The following PSMB2 variants were observed in gnomAD, a reference collection of about 807,000 sequenced individuals.
PSMB2 encodes the protein proteasome subunit beta type-2.
In PSMB2, 13 loss-of-function variants were observed where a neutral mutation model predicts 25.7. That is an observed-to-expected ratio of 0.51 (90% CI 0.33 to 0.80). The LOEUF is 0.80. Ranked by LOEUF, PSMB2 falls within the 30% of genes least tolerant of loss-of-function variation. The pLI, the probability that PSMB2 is intolerant of heterozygous loss-of-function variation, is 0.02. For synonymous variants in PSMB2, 87 were observed against 96.2 expected, an observed-to-expected ratio of 0.90 and a Z score of 0.56; for missense variants, 202 against 259.0, an observed-to-expected ratio of 0.78 and a Z score of 1.51.
chr1:35,619,590 T>C (rs1020371752), intron 3 of PSMB2, among the ~76,000 whole-genome samples: 8 of 152,168 alleles, frequency 5.3e-5, no homozygotes, highest in African/African-American at 1.9e-4. Context: ...ATGTGAATTT[T>C]ACAACCAAAA....
At chr1:35,628,539 T>G (rs1571137726) in intron 3 of PSMB2, among the ~76,000 whole-genome samples, 3 of 113,910 alleles carry the variant, frequency 2.6e-5, no homozygotes, top group Admixed American at 1.0e-4. Flanking sequence ...CAAGGAGGAG[T>G]GAAGAAAAGA....
chr1:35,605,318 C>G (rs1182659091), intron 4 of PSMB2, 36 bp from the exon 5 acceptor site: 4 of 1,592,176 alleles, frequency 2.5e-6, no homozygotes, highest in Non-Finnish European at 3.4e-6. Context: ...ACTTCCGGTG[C>G]TGTCATTATA....
intron 3 of PSMB2, among the ~76,000 whole-genome samples, chr1:35,620,721 G>A (rs1410779481): frequency 6.7e-6 from 1 of 150,316 alleles, no homozygotes; most frequent in Non-Finnish European, 1.5e-5. Context: ...AGGCAAGACT[G>A]TCTCAAAAAA....
intron 3 of PSMB2, among the ~76,000 whole-genome samples, chr1:35,615,169 C>T (rs186688808): frequency 2.0e-5 from 3 of 152,282 alleles, no homozygotes; most frequent in Admixed American, 2.0e-4. Flanking sequence ...AAGAAGTGGG[C>T]TACAGAGAGC....
chr1:35,638,681 C>G (rs1223828967), intron 1 of PSMB2, among the ~76,000 whole-genome samples: 7 of 151,954 alleles, frequency 4.6e-5, no homozygotes, highest in African/African-American at 2.4e-5. Flanking sequence ...TGGAGTACTC[C>G]GAGTAACTTA....
chr1:35,636,630 T>C (rs1460511131), intron 1 of PSMB2, among the ~76,000 whole-genome samples, 198 bp from the exon 2 acceptor site: 1 of 151,960 alleles, frequency 6.6e-6, no homozygotes, highest in Non-Finnish European at 1.5e-5. Context: ...ATCCTGAACA[T>C]GTACTGACTT....
intron 3 of PSMB2, among the ~76,000 whole-genome samples, chr1:35,609,655 G>A (rs1437280508): frequency 6.6e-6 from 1 of 152,198 alleles, no homozygotes; most frequent in Non-Finnish European, 1.5e-5. Flanking sequence ...TGAAAAAGCT[G>A]CCATCTTCTT....
intron 1 of PSMB2, among the ~76,000 whole-genome samples, chr1:35,637,952 T>A (rs949850519): frequency 6.6e-6 from 1 of 152,226 alleles, no homozygotes; most frequent in African/African-American, 2.4e-5. Context: ...TTCCTTCTTT[T>A]GCTTGTTGGT....
chr1:35,618,351 A>C (rs1341021449), intron 3 of PSMB2, among the ~76,000 whole-genome samples: 2 of 152,172 alleles, frequency 1.3e-5, no homozygotes, highest in Admixed American at 6.6e-5. Flanking sequence ...TGGGAAGAGA[A>C]AATAGTGTAT....
At chr1:35,615,870 A>G (rs986768412) in intron 3 of PSMB2, among the ~76,000 whole-genome samples, 1 of 152,214 alleles carries the variant, frequency 6.6e-6, no homozygotes, top group Admixed American at 6.5e-5. Flanking sequence ...AGAACCACCA[A>G]TGAGACAAAT....
Position 35,625,300 on chromosome 1 carries a change from C to T in PSMB2, c.285+5974G>A, listed in dbSNP as rs138355838. ...TGGCCAGTGTGGCAGTGAAACCCGA[C>T]GATTACACATCATGGAGGCCAGCAT... On this transcript the variant is annotated intron_variant, in intron 3 of 5. Transcript: ENST00000373237. Among the ~76,000 whole-genome samples the T allele has an allele frequency of 3.2e-3, 490 of 152,258 alleles. 3 individuals are homozygous for T. The highest frequency in any genetic ancestry group is 3.6e-3 in the Admixed American group (55 of 15,296).
In PSMB2 at chr1:35,602,830, C is replaced by T. The variant is rs1650044166; in HGVS notation, c.*437G>A. The T allele has an allele frequency of 1.2e-6, 1 of 816,296 alleles. No individual in the cohort carries two copies. Among genetic ancestry groups the T allele is most frequent in the Non-Finnish European group, 1.5e-6 (1 of 674,328 alleles). The allele number at this position is 816,296 out of a possible 1,614,324, so 50.6% of individuals were successfully genotyped here. Reference sequence around the variant, plus strand: ...ATATTTTTCACTACATGTTTTTGTACTGTTTGCATGTTACATTAAGTGCAT... The same window carrying T: ...ATATTTTTCACTACATGTTTTTGTATTGTTTGCATGTTACATTAAGTGCAT... On this transcript the variant is annotated 3_prime_UTR_variant, in exon 6 of 6. Coordinates refer to ENST00000373237, the MANE Select transcript of PSMB2 (RefSeq NM_002794.5).
chr1:35,629,375 T>C (rs1316596310), intron 3 of PSMB2, among the ~76,000 whole-genome samples: 1 of 152,242 alleles, frequency 6.6e-6, no homozygotes, highest in Non-Finnish European at 1.5e-5. Flanking sequence ...CAATCTTTAA[T>C]GCATTCAATC....
chr1:35,604,273 T>C (rs906050788), intron 5 of PSMB2, among the ~76,000 whole-genome samples: 2 of 152,164 alleles, frequency 1.3e-5, no homozygotes, highest in African/African-American at 4.8e-5. Flanking sequence ...CCTTAGACTC[T>C]AAGGAGTAGT....
Position 35,600,888 on chromosome 1 carries a change from C to G in PSMB2, c.*2379G>C, listed in dbSNP as rs1182130540. ...CACTTACTGAGCACTTACCACATGC[C>G]AAGCCCTGAACTAAATGTTTACCTA... is the stretch of plus-strand genomic sequence containing the variant. On this transcript the variant is annotated 3_prime_UTR_variant, in exon 6 of 6. Coordinates refer to ENST00000373237, the MANE Select transcript of PSMB2 (RefSeq NM_002794.5). 4.1e-6 allele frequency: 4 copies of G among 984,828 alleles called. No individual in the cohort carries two copies. The highest frequency in any genetic ancestry group is 4.8e-6 in the Non-Finnish European group (4 of 829,586). The allele number at this position is 984,828 out of a possible 1,614,324, so 61.0% of individuals were successfully genotyped here.
intron 3 of PSMB2, among the ~76,000 whole-genome samples, chr1:35,626,305 G>A (rs1235885708): frequency 6.6e-6 from 1 of 152,090 alleles, no homozygotes; most frequent in Non-Finnish European, 1.5e-5. Context: ...ATGATTTCAT[G>A]CCTTTAATTC....
intron 3 of PSMB2, among the ~76,000 whole-genome samples, chr1:35,616,599 TATC>T (rs1650496001): frequency 1.3e-5 from 2 of 152,216 alleles, no homozygotes; most frequent in Non-Finnish European, 2.9e-5. Flanking sequence ...AAGTTTAAAA[TATC>T]ATACAATTAC....
chr1:35,631,302 C>T lies in PSMB2; in HGVS notation c.257G>A (p.Arg86Gln), dbSNP rs377255900. ...ACTCCGAAGACAGTCAGCCAGGTTT[C>T]GGCGTGTGAAGTTAGCTGCTGCCGT... ...SPTAAANFTR[R>Q]NLADCLRSRT... The change falls in exon 3 of 6, where the codon CGA (arginine) becomes CAA (glutamine). Residue 86 changes from arginine (R) to glutamine (Q), a missense_variant. Arg to Gln is a conservative substitution (Grantham distance 43). Coordinates refer to ENST00000373237, the MANE Select transcript of PSMB2 (RefSeq NM_002794.5). 1.1e-5 allele frequency: 17 copies of T among 1,614,016 alleles called. No homozygotes were observed. The African/African-American group carries it at 1.2e-4, about 11-fold the overall frequency.
chr1:35,610,565 G>A (rs1271444686), intron 3 of PSMB2, among the ~76,000 whole-genome samples: 1 of 152,040 alleles, frequency 6.6e-6, no homozygotes, highest in Non-Finnish European at 1.5e-5. Context: ...GTGCGATCTT[G>A]GCTCACCGCA....
Sources: gnomAD v4.1 joint callset for allele counts (sites outside exome capture counted in the v4.1 genomes callset) on GRCh38, gnomAD v4.1.1 for gene constraint, MANE v1.5 for transcripts, NCBI Gene and HGNC (gene_info 2026-07-23, HGNC 2026-07-21) for gene names.